NRG3: variants seen among roughly 807,000 people sequenced by gnomAD.
The protein encoded by NRG3 is neuregulin 3, also known as pro-neuregulin-3, membrane-bound isoform.
In NRG3, 31 loss-of-function variants were observed where a neutral mutation model predicts 66.9. The observed-to-expected ratio is 0.46, with a 90% confidence interval of 0.35 to 0.63. NRG3 has a LOEUF of 0.63. Ranked by LOEUF, NRG3 falls within the 20% of genes least tolerant of loss-of-function variation. The pLI is 0.00. For synonymous variants in NRG3, 393 were observed against 359.4 expected (o/e 1.09, Z -1.06); for missense variants, 910 against 878.9 (o/e 1.04, Z -0.45).
At chr10:81,970,005 A>G (rs1471105136) in intron 1 of NRG3, among the ~76,000 whole-genome samples, 1 of 152,170 alleles carries the variant, frequency 6.6e-6, no homozygotes, top group Non-Finnish European at 1.5e-5. Flanking sequence ...TGCTTCTATC[A>G]TAGTGTAAGA....
chr10:82,254,487 C>G (rs890531937), intron 1 of NRG3, among the ~76,000 whole-genome samples: 2 of 152,040 alleles, frequency 1.3e-5, no homozygotes, highest in Non-Finnish European at 2.9e-5. Context: ...GTGAGCACAC[C>G]CAGTGCCCAG....
chr10:82,601,864 T>TTATATATATATAACTATATATACAAA (rs1565115570), intron 2 of NRG3, among the ~76,000 whole-genome samples: 23 of 146,278 alleles, frequency 1.6e-4, no homozygotes, highest in Admixed American at 6.2e-4. Context: ...AAAAAATTAT[T>TTATATATATATAACTATATATACAAA]TATATATATA....
intron 2 of NRG3, among the ~76,000 whole-genome samples, chr10:82,486,578 C>A (rs1266517390): frequency 1.1e-4 from 17 of 152,102 alleles, no homozygotes; most frequent in Admixed American, 6.5e-5. Flanking sequence ...CCCCACCTGG[C>A]TAATTTTGGT....
intron 1 of NRG3, among the ~76,000 whole-genome samples, chr10:82,078,689 T>A (rs2065225740): frequency 1.3e-5 from 2 of 152,238 alleles, no homozygotes; most frequent in Admixed American, 1.3e-4. Flanking sequence ...TCCCAAAACC[T>A]TAACAATTAT....
chr10:82,167,508 T>C (rs949077904), intron 1 of NRG3, among the ~76,000 whole-genome samples: 1 of 152,152 alleles, frequency 6.6e-6, no homozygotes, highest in African/African-American at 2.4e-5. Flanking sequence ...TAATAATTGC[T>C]GTGTTTACTG....
intron 3 of NRG3, among the ~76,000 whole-genome samples, chr10:82,829,050 C>G (rs1423886293): frequency 6.6e-6 from 1 of 152,092 alleles, no homozygotes; most frequent in Non-Finnish European, 1.5e-5. Context: ...GTTTGACAGC[C>G]TGTGCTGCAG....
chr10:82,627,655 A>G (rs2049522017), intron 2 of NRG3, among the ~76,000 whole-genome samples: 1 of 152,142 alleles, frequency 6.6e-6, no homozygotes. Context: ...TTCTACACAA[A>G]GAGGCCCACA....
rs112546238 is a variant in NRG3 at position 82,540,345 on chromosome 10, T to C, written c.953+181477T>C. ...TCTCTCTCTCCCTTCTTCTGTTTTC[T>C]CTTCTTTCTCTTTTTTTCCCTTCCT... On this transcript the variant is annotated intron_variant, in intron 2 of 8. Transcript: ENST00000372141. Among the ~76,000 whole-genome samples, 645 of 152,278 alleles carry C rather than the reference T, an allele frequency of 4.2e-3. 5 individuals carry two copies. Among genetic ancestry groups the C allele is most frequent in the African/African-American group, 0.015 (609 of 41,538 alleles).
intron 2 of NRG3, among the ~76,000 whole-genome samples, chr10:82,593,213 C>T (rs559281110): frequency 6.6e-6 from 1 of 152,234 alleles, no homozygotes; most frequent in African/African-American, 2.4e-5. Flanking sequence ...GACCCAAGAA[C>T]ATATAAGGGG....
At chr10:82,026,918 T>C (rs951994490) in intron 1 of NRG3, among the ~76,000 whole-genome samples, 2 of 152,046 alleles carry the variant, frequency 1.3e-5, no homozygotes, top group Non-Finnish European at 2.9e-5. Context: ...TTTCTTGGCT[T>C]TTCATTTTTA....
At chr10:82,123,748 T>A (rs1325206626) in intron 1 of NRG3, among the ~76,000 whole-genome samples, 1 of 152,158 alleles carries the variant, frequency 6.6e-6, no homozygotes, top group Non-Finnish European at 1.5e-5. Context: ...ATATAGTAGA[T>A]CTGAATGTTG....
chr10:82,166,634 C>CTA, intron 1 of NRG3: 1 of 344,500 alleles, frequency 2.9e-6, no homozygotes, highest in East Asian at 4.7e-5. Flanking sequence ...ATAATTATGT[C>CTA]TATATATACA....
chr10:82,115,469 T>A (rs917534067), intron 1 of NRG3, among the ~76,000 whole-genome samples: 1 of 152,188 alleles, frequency 6.6e-6, no homozygotes, highest in African/African-American at 2.4e-5. Flanking sequence ...AGGAGGCTGA[T>A]TTACAGCAGC....
At chr10:81,938,815 G>A (rs534693680) in intron 1 of NRG3, among the ~76,000 whole-genome samples, 1 of 152,038 alleles carries the variant, frequency 6.6e-6, no homozygotes, top group Non-Finnish European at 1.5e-5. Flanking sequence ...AGTGGTGAGA[G>A]TGGGTATCCT....
intron 4 of NRG3, among the ~76,000 whole-genome samples, chr10:82,940,271 C>G (rs1462351009): frequency 1.3e-5 from 2 of 152,068 alleles, no homozygotes; most frequent in South Asian, 4.1e-4. Context: ...CAGTTCTTAT[C>G]GAGGTATTAG....
Position 82,829,875 on chromosome 10 carries a change from G to A in NRG3, c.1028-35536G>A, listed in dbSNP as rs140714961. The stretch of plus-strand genomic sequence containing the variant: ...TTGGTTGATTTTTCTACAAGGTTGT[G>A]TCAAGGTTATAGGTAAGGGGTGATC... On this transcript the variant is annotated intron_variant, in intron 3 of 8. Coordinates refer to ENST00000372141, the MANE Select transcript of NRG3 (RefSeq NM_001010848.4). Among the ~76,000 whole-genome samples the A allele has an allele frequency of 1.5e-3, 232 of 152,260 alleles. 1 individual carries two copies. Among genetic ancestry groups the A allele is most frequent in the African/African-American group, 5.1e-3 (211 of 41,550 alleles).
At chr10:82,511,586 C>G (rs141520842) in intron 2 of NRG3, among the ~76,000 whole-genome samples, 21 of 151,970 alleles carry the variant, frequency 1.4e-4, no homozygotes, top group African/African-American at 4.8e-4. Flanking sequence ...AAGAGTGGCA[C>G]CAGATAGCAC....
At chr10:82,899,843 T>A (rs969554743) in intron 4 of NRG3, among the ~76,000 whole-genome samples, 3 of 152,178 alleles carry the variant, frequency 2.0e-5, no homozygotes, top group Non-Finnish European at 4.4e-5. Flanking sequence ...TAGTAGAAGG[T>A]AGAAGAAATT....
At chr10:82,332,520 G>T (rs888612262) in intron 1 of NRG3, among the ~76,000 whole-genome samples, 1 of 152,144 alleles carries the variant, frequency 6.6e-6, no homozygotes, top group Non-Finnish European at 1.5e-5. Context: ...CAACACCCAT[G>T]ATCAGCCGCT....
Sources: allele counts gnomAD v4.1 joint callset (sites outside exome capture counted in the v4.1 genomes callset), GRCh38; gene constraint gnomAD v4.1.1; transcripts MANE v1.5; gene names NCBI Gene and HGNC (gene_info 2026-07-23, HGNC 2026-07-21).